DPP10: variants seen among roughly 807,000 people sequenced by gnomAD.
DPP10 encodes the protein inactive dipeptidyl peptidase 10.
DPP10 carries 33 observed loss-of-function variants against 120.9 expected under a neutral mutation model. That is an observed-to-expected ratio of 0.27 (90% CI 0.21 to 0.37). The LOEUF (loss-of-function observed/expected upper bound fraction) is 0.37, where lower values mean the gene tolerates loss of function less well. Ranked by LOEUF, DPP10 falls within the 10% of genes least tolerant of loss-of-function variation. DPP10 has a pLI of 1.00. For missense variants in DPP10, 816 were observed against 942.8 expected (o/e 0.87, Z 1.76); for synonymous variants, 337 against 326.1 (o/e 1.03, Z -0.36).
At chr2:115,551,496 G>C (rs1262162676) in intron 5 of DPP10, among the ~76,000 whole-genome samples, 1 of 152,044 alleles carries the variant, frequency 6.6e-6, no homozygotes, top group Non-Finnish European at 1.5e-5. Flanking sequence ...TGATCATTTT[G>C]CTGCTAATTT....
At chr2:115,108,617 G>A (rs2049063442) in intron 1 of DPP10, among the ~76,000 whole-genome samples, 1 of 151,914 alleles carries the variant, frequency 6.6e-6, no homozygotes, top group Non-Finnish European at 1.5e-5. Flanking sequence ...ATCTAGTGCA[G>A]GAATTACAGA....
intron 7 of DPP10, among the ~76,000 whole-genome samples, chr2:115,710,148 G>C (rs1419982912): frequency 2.0e-5 from 3 of 152,040 alleles, no homozygotes; most frequent in African/African-American, 7.2e-5. Flanking sequence ...AGAAAAATAA[G>C]GGACCCACAC....
intron 1 of DPP10, among the ~76,000 whole-genome samples, chr2:114,523,954 C>A (rs534554493): frequency 3.3e-5 from 5 of 152,262 alleles, no homozygotes; most frequent in African/African-American, 1.2e-4. Flanking sequence ...AAATAATTGT[C>A]TCTGATTAAG....
intron 1 of DPP10, among the ~76,000 whole-genome samples, chr2:114,779,497 C>A (rs1179890530): frequency 3.9e-5 from 6 of 152,134 alleles, no homozygotes; most frequent in African/African-American, 1.2e-4. Flanking sequence ...CTATTCCCGT[C>A]ATATCTTATA....
At chr2:115,766,310 G>GTGTATATA (rs1371625141) in intron 12 of DPP10, among the ~76,000 whole-genome samples, 1 of 81,738 alleles carries the variant, frequency 1.2e-5, no homozygotes, top group African/African-American at 4.3e-5. Flanking sequence ...GTGTGTGTGT[G>GTGTATATA]TATATATATA....
At chr2:115,131,091 A>T (rs2050333416) in intron 1 of DPP10, 1 of 152,228 alleles carries the variant, frequency 6.6e-6, no homozygotes, top group East Asian at 1.9e-4. Flanking sequence ...ACCAAAAGCA[A>T]GGAAGGGCTC....
intron 1 of DPP10, among the ~76,000 whole-genome samples, chr2:115,171,407 T>C (rs1268501417): frequency 6.7e-6 from 1 of 150,100 alleles, no homozygotes; most frequent in Non-Finnish European, 1.5e-5. Flanking sequence ...AAAAGAATAG[T>C]TGGATATTGG....
chr2:115,494,849 T>C (rs2076310299), intron 3 of DPP10, among the ~76,000 whole-genome samples: 1 of 152,158 alleles, frequency 6.6e-6, no homozygotes, highest in Non-Finnish European at 1.5e-5. Context: ...TTTTCTACTT[T>C]TTGAAAACTC....
intron 1 of DPP10, among the ~76,000 whole-genome samples, chr2:115,300,290 T>G (rs1210670408): frequency 6.6e-6 from 1 of 152,084 alleles, no homozygotes; most frequent in Non-Finnish European, 1.5e-5. Context: ...ATTTGACTAC[T>G]CGACGCACGT....
At chr2:114,671,336 A>G (rs1305525078) in intron 1 of DPP10, among the ~76,000 whole-genome samples, 2 of 152,226 alleles carry the variant, frequency 1.3e-5, no homozygotes, top group Middle Eastern at 3.4e-3. Flanking sequence ...ATGTGACTCT[A>G]TAATACCTAG....
intron 3 of DPP10, among the ~76,000 whole-genome samples, chr2:115,427,114 A>G (rs923535176): frequency 1.3e-5 from 2 of 152,180 alleles, no homozygotes; most frequent in African/African-American, 4.8e-5. Context: ...CATACAGGGC[A>G]CACAGCTGCA....
chr2:115,459,622 T>A (rs1156544280), intron 3 of DPP10, among the ~76,000 whole-genome samples: 1 of 152,034 alleles, frequency 6.6e-6, no homozygotes, highest in Non-Finnish European at 1.5e-5. Flanking sequence ...CCACCAGCTC[T>A]CTCCTTAACT....
chr2:115,508,997 A>G (rs1406292154), intron 4 of DPP10, among the ~76,000 whole-genome samples: 1 of 152,180 alleles, frequency 6.6e-6, no homozygotes, highest in African/African-American at 2.4e-5. Flanking sequence ...TGAGGCATGG[A>G]GTATTAGAAA....
chr2:115,319,922 T>C (rs1276701858), intron 2 of DPP10, among the ~76,000 whole-genome samples: 1 of 152,178 alleles, frequency 6.6e-6, no homozygotes, highest in Admixed American at 6.5e-5. Context: ...TATAAGGGTA[T>C]TAATTTCATT....
intron 1 of DPP10, among the ~76,000 whole-genome samples, chr2:115,271,556 AAGT>A (rs1489093447): frequency 6.6e-6 from 1 of 152,154 alleles, no homozygotes; most frequent in African/African-American, 2.4e-5. Context: ...CAGAAAGAAT[AAGT>A]AGTAGAGATA....
intron 7 of DPP10, among the ~76,000 whole-genome samples, chr2:115,723,651 C>A (rs1338559322): frequency 6.7e-6 from 1 of 149,452 alleles, no homozygotes; most frequent in Non-Finnish European, 1.5e-5. Context: ...CGGCTAGGTC[C>A]CAGGTTTAGG....
At chr2:115,784,380 T>C (rs538726663) in intron 17 of DPP10, among the ~76,000 whole-genome samples, 22 of 152,278 alleles carry the variant, frequency 1.4e-4, no homozygotes, top group South Asian at 1.2e-3. Flanking sequence ...ATGGAAAACC[T>C]TTAAACCCAC....
intron 1 of DPP10, among the ~76,000 whole-genome samples, chr2:114,647,683 A>T (rs560940734): frequency 6.6e-6 from 1 of 151,550 alleles, no homozygotes; most frequent in Non-Finnish European, 1.5e-5. Flanking sequence ...GACACCTATG[A>T]TGATGATTCT....
chr2:115,818,328 C>CA (rs954728245), intron 21 of DPP10, among the ~76,000 whole-genome samples: 2 of 152,100 alleles, frequency 1.3e-5, no homozygotes, highest in Non-Finnish European at 2.9e-5. Context: ...TTACCACATA[C>CA]AAAAAAGTAC....
Sources: gnomAD v4.1 joint callset for allele counts (sites outside exome capture counted in the v4.1 genomes callset) on GRCh38, gnomAD v4.1.1 for gene constraint, MANE v1.5 for transcripts, NCBI Gene and HGNC (gene_info 2026-07-23, HGNC 2026-07-21) for gene names.